ZNF33A: variants seen among roughly 807,000 people sequenced by gnomAD.
ZNF33A encodes the protein zinc finger protein 33A.
Under a neutral mutation model 15.9 loss-of-function variants are expected in ZNF33A, and 9 were observed. The observed-to-expected ratio is 0.57, with a 90% confidence interval of 0.34 to 0.99. The LOEUF (loss-of-function observed/expected upper bound fraction) is 0.99. Among genes scored for constraint, ZNF33A ranks in the 50% least tolerant of loss-of-function variants. ZNF33A has a pLI of 0.02. For missense variants in ZNF33A, 843 were observed against 941.6 expected, an observed-to-expected ratio of 0.90 and a Z score of 1.37; for synonymous variants, 294 against 324.2, an observed-to-expected ratio of 0.91 and a Z score of 1.00.
downstream of ZNF33A, among the ~76,000 whole-genome samples, chr10:38,063,002 CAAAAAAAAAAAAAAAAAAA>C (rs373779802): frequency 2.3e-4 from 10 of 44,188 alleles, no homozygotes; most frequent in African/African-American, 2.0e-4. Context: ...GACTCCATCT[CAAAAAAAAAAAAAAAAAAA>C]AAAAAAAAAA....
At chr10:38,015,596 C>T (rs1258905664) in intron 2 of ZNF33A, among the ~76,000 whole-genome samples, 1 of 152,098 alleles carries the variant, frequency 6.6e-6, no homozygotes, top group African/African-American at 2.4e-5. Flanking sequence ...GCTGAGATTA[C>T]AGGTGTGAGC....
intron 4 of ZNF33A, among the ~76,000 whole-genome samples, chr10:38,029,999 A>G (rs2065143446): frequency 6.6e-6 from 1 of 152,208 alleles, no homozygotes; most frequent in Non-Finnish European, 1.5e-5. Context: ...GAAGCTCAAC[A>G]AACTCATATG....
intron 4 of ZNF33A, among the ~76,000 whole-genome samples, chr10:38,043,175 A>G (rs1335304571): frequency 1.3e-5 from 2 of 152,018 alleles, no homozygotes; most frequent in Admixed American, 6.6e-5. Flanking sequence ...TGTTTTGCAA[A>G]TAGTTCTGCT....
chr10:38,030,259 T>A (rs1409750574), intron 4 of ZNF33A, among the ~76,000 whole-genome samples: 1 of 152,210 alleles, frequency 6.6e-6, no homozygotes, highest in East Asian at 1.9e-4. Flanking sequence ...TAGACATTTA[T>A]CCTTGAGAAA....
In ZNF33A at chr10:38,038,677, A is replaced by T. The variant is rs11011427; in HGVS notation, c.251-15698A>T. On this transcript the variant is annotated intron_variant, in intron 4 of 4. Coordinates refer to ENST00000432900, the MANE Select transcript of ZNF33A (RefSeq NM_006954.2). ...TTCTTTTTGTTCTTAGAGTAAAATCACTGTACCTTTCATTATTTAGTATGA... is the reference window on the plus strand; with the variant it reads ...TTCTTTTTGTTCTTAGAGTAAAATCTCTGTACCTTTCATTATTTAGTATGA... 2.0e-4 allele frequency among the ~76,000 whole-genome samples: 31 copies of T among 152,298 alleles called. 1 individual carries two copies. In the East Asian group the frequency reaches 4.6e-3, roughly 23 times the overall value.
At chr10:38,063,225 T>C (rs2504152), downstream of ZNF33A, among the ~76,000 whole-genome samples, 9,120 of 152,100 alleles carry the variant, frequency 0.06, 350 homozygotes, top group Middle Eastern at 0.095. Context: ...GGAAAGGAGA[T>C]AGCACAAATG....
At chr10:38,046,988 ATGG>A (rs985304176) in intron 4 of ZNF33A, among the ~76,000 whole-genome samples, 17 of 151,946 alleles carry the variant, frequency 1.1e-4, no homozygotes, top group African/African-American at 3.9e-4. Context: ...CCTGGGCAAC[ATGG>A]TGAAACCTTG....
chr10:38,014,364 A>G (rs1335064905), intron 2 of ZNF33A, among the ~76,000 whole-genome samples: 6 of 152,166 alleles, frequency 3.9e-5, no homozygotes, highest in Non-Finnish European at 7.3e-5. Context: ...TTTTTACAGA[A>G]GAAGTTTACC....
At chr10:38,024,447 G>A (rs1227230057) in intron 4 of ZNF33A, among the ~76,000 whole-genome samples, 1 of 152,136 alleles carries the variant, frequency 6.6e-6, no homozygotes, top group Non-Finnish European at 1.5e-5. Context: ...TTGATAGATT[G>A]GAAAACTCAA....
Position 38,054,888 on chromosome 10 carries a change from C to T in ZNF33A, c.764C>T (p.Thr255Ile), listed in dbSNP as rs755068025. ...NNCDYNEFGR[T>I]LCDSSSLLFH... ...TGTGATTATAATGAATTTGGGAGAACTTTGTGTGATAGTTCATCCCTCTTG... is the reference window on the plus strand; with the variant it reads ...TGTGATTATAATGAATTTGGGAGAATTTTGTGTGATAGTTCATCCCTCTTG... Residue 255 changes from threonine to isoleucine, a missense_variant, in exon 5 of 5, where the codon ACT becomes ATT. Thr to Ile is a moderately conservative substitution (Grantham distance 89, BLOSUM62 -1). Transcript: ENST00000432900. 1.2e-6 allele frequency: 2 copies of T among 1,613,700 alleles called. No homozygotes were observed. Among genetic ancestry groups the T allele is most frequent in the East Asian group, 2.2e-5 (1 of 44,852 alleles).
chr10:38,027,766 T>G (rs1432323656), intron 4 of ZNF33A, among the ~76,000 whole-genome samples: 2 of 152,212 alleles, frequency 1.3e-5, no homozygotes, highest in African/African-American at 2.4e-5. Flanking sequence ...TTATATCTTA[T>G]TGATGGAACG....
At chr10:38,044,326 G>C (rs915725041) in intron 4 of ZNF33A, among the ~76,000 whole-genome samples, 44 of 150,720 alleles carry the variant, frequency 2.9e-4, no homozygotes, top group African/African-American at 9.5e-4. Context: ...TCTTGCCTCA[G>C]CCTCCAGAGT....
intron 2 of ZNF33A, among the ~76,000 whole-genome samples, chr10:38,014,603 T>G (rs1279412983): frequency 6.6e-6 from 1 of 152,196 alleles, no homozygotes; most frequent in Non-Finnish European, 1.5e-5. Flanking sequence ...GAAAACACCA[T>G]CCTTTCCCCA....
chr10:38,064,263 C>T, downstream of ZNF33A: 1 of 687,854 alleles, frequency 1.5e-6, no homozygotes, highest in Non-Finnish European at 2.4e-6. Context: ...GTGGAAGAGA[C>T]ATCAGCATTC....
chr10:38,031,835 C>T (rs754108336), intron 4 of ZNF33A, among the ~76,000 whole-genome samples: 1 of 151,058 alleles, frequency 6.6e-6, no homozygotes, highest in African/African-American at 2.4e-5. Context: ...TGATGGTGCA[C>T]TCCTGTAGTC....
chr10:38,023,788 T>A (rs1257103146), intron 4 of ZNF33A, among the ~76,000 whole-genome samples: 1 of 152,164 alleles, frequency 6.6e-6, no homozygotes, highest in Admixed American at 6.5e-5. Context: ...ATAGAAGTCA[T>A]ACACGTAGAG....
At chr10:38,067,068 T>G (rs2066715641), downstream of ZNF33A, among the ~76,000 whole-genome samples, 1 of 152,204 alleles carries the variant, frequency 6.6e-6, no homozygotes, top group Admixed American at 6.5e-5. Flanking sequence ...GTTCCAGGTA[T>G]CAATTACAAC....
Position 38,010,772 on chromosome 10 carries a change from C to A in ZNF33A, c.-56C>A, listed in dbSNP as rs765875204. On this transcript the variant is annotated 5_prime_UTR_variant, in exon 1 of 5. Transcript: ENST00000432900. The stretch of plus-strand genomic sequence containing the variant: ...CTTTTCTATGGCGAATGCAACCCGA[C>A]GAGGGAGTGGGGTAAGCCCCAGTGG... 1.9e-6 allele frequency: 3 copies of A among 1,598,302 alleles called. No individual in the cohort carries two copies. Among genetic ancestry groups the A allele is most frequent in the Non-Finnish European group, 2.5e-6 (3 of 1,179,814 alleles).
At position 38,056,462 on chromosome 10, in the gene ZNF33A, A is replaced by G. The variant is rs2066491973; in HGVS notation, c.2338A>G (p.Met780Val). 1.9e-6 allele frequency: 3 copies of G among 1,613,766 alleles called. No homozygotes were observed. Among genetic ancestry groups the G allele is most frequent in the Non-Finnish European group, 1.7e-6 (2 of 1,179,876 alleles). The change falls in exon 5 of 5, where the codon ATG becomes GTG. Residue 780 changes from methionine to valine, a missense_variant. Met to Val is a conservative substitution (Grantham distance 21, BLOSUM62 1). Transcript: ENST00000432900. ...RHIGENLMNE[M>V]DIRNFQPQVS... is the part of the protein sequence containing the mutation. ...TATAGGAGAAAACCTTATGAATGAA[A>G]TGGATATTAGAAATTTCCAGCCACA...
Sources: gnomAD v4.1 joint callset for allele counts (sites outside exome capture counted in the v4.1 genomes callset) on GRCh38, gnomAD v4.1.1 for gene constraint, MANE v1.5 for transcripts, NCBI Gene and HGNC (gene_info 2026-07-23, HGNC 2026-07-21) for gene names.